CTNNA2: variants seen among roughly 807,000 people sequenced by gnomAD.
The protein encoded by CTNNA2 is catenin alpha 2.
CTNNA2 carries 42 observed loss-of-function variants against 101.0 expected under a neutral mutation model. The ratio of observed to expected loss-of-function variants is 0.42; its 90% CI spans 0.32 to 0.54. The LOEUF (loss-of-function observed/expected upper bound fraction) is 0.54, where lower values mean the gene tolerates loss of function less well. Among genes scored for constraint, CTNNA2 ranks in the 20% least tolerant of loss-of-function variants. The probability of loss-of-function intolerance (pLI) is 0.14; values close to 1 mark genes in which losing one functional copy is unlikely to be tolerated. For synonymous variants in CTNNA2, 450 were observed against 456.4 expected, an observed-to-expected ratio of 0.99 and a Z score of 0.18; for missense variants, 871 against 1,223.1, an observed-to-expected ratio of 0.71 and a Z score of 4.29.
At chr2:80,039,441 T>C (rs544879883) in intron 7 of CTNNA2, among the ~76,000 whole-genome samples, 11 of 152,202 alleles carry the variant, frequency 7.2e-5, no homozygotes, top group Non-Finnish European at 1.2e-4. Flanking sequence ...ATGTGGTTTC[T>C]TGGGAATATG....
intron 7 of CTNNA2, among the ~76,000 whole-genome samples, chr2:80,197,865 C>G (rs147689235): frequency 6.6e-6 from 1 of 152,120 alleles, no homozygotes; most frequent in African/African-American, 2.4e-5. Context: ...CCCAAGCATT[C>G]CCTACTTGAG....
intron 17 of CTNNA2, among the ~76,000 whole-genome samples, chr2:80,617,812 C>A (rs1385028384): frequency 1.3e-5 from 2 of 151,722 alleles, no homozygotes; most frequent in African/African-American, 4.8e-5. Context: ...ATTATATTGG[C>A]TTAAAACAGA....
chr2:79,617,784 TC>T (rs1678721627), intron 1 of CTNNA2, among the ~76,000 whole-genome samples: 1 of 152,166 alleles, frequency 6.6e-6, no homozygotes, highest in Admixed American at 6.6e-5. Context: ...GATTTAAGAT[TC>T]CCTGAGGCCA....
chr2:80,396,905 T>C (rs1678069383), intron 8 of CTNNA2, among the ~76,000 whole-genome samples: 1 of 152,228 alleles, frequency 6.6e-6, no homozygotes, highest in Non-Finnish European at 1.5e-5. Flanking sequence ...AAGGTCTCAA[T>C]TCTATTATTA....
At chr2:79,361,262 T>C (rs2104447052) in intron 3 of CTNNA2, among the ~76,000 whole-genome samples, 1 of 152,310 alleles carries the variant, frequency 6.6e-6, no homozygotes, top group Non-Finnish European at 1.5e-5. Flanking sequence ...ATGTTAAAGA[T>C]TTAGACAAAC....
chr2:80,539,792 C>A (rs755818763), intron 9 of CTNNA2, among the ~76,000 whole-genome samples: 8 of 152,128 alleles, frequency 5.3e-5, no homozygotes, highest in Non-Finnish European at 8.8e-5. Flanking sequence ...CGAGCTCTAC[C>A]ACCTATAGTC....
intron 9 of CTNNA2, among the ~76,000 whole-genome samples, chr2:80,538,291 C>G (rs971008575): frequency 1.3e-5 from 2 of 151,988 alleles, no homozygotes; most frequent in African/African-American, 2.4e-5. Context: ...AGTCGTGAAG[C>G]CTTTGCCCAT....
chr2:80,220,503 C>T (rs1708515489), intron 7 of CTNNA2, among the ~76,000 whole-genome samples: 1 of 152,236 alleles, frequency 6.6e-6, no homozygotes, highest in Non-Finnish European at 1.5e-5. Context: ...TGGAGGACTG[C>T]TTGAGCTCAG....
intron 7 of CTNNA2, among the ~76,000 whole-genome samples, chr2:80,114,274 A>G (rs1363282875): frequency 6.6e-6 from 1 of 152,212 alleles, no homozygotes; most frequent in African/African-American, 2.4e-5. Context: ...GAATGGGAAA[A>G]CTATTGTGAT....
chr2:79,507,773 G>A (rs982209414), intron 5 of CTNNA2, among the ~76,000 whole-genome samples: 1 of 152,112 alleles, frequency 6.6e-6, no homozygotes, highest in Non-Finnish European at 1.5e-5. Context: ...ATCTAGCCAC[G>A]AGATATATTT....
rs137985203 is a variant in CTNNA2 at position 79,776,022 on chromosome 2, G to A, written c.298+31440G>A. Among the ~76,000 whole-genome samples the A allele has an allele frequency of 2.0e-3, 310 of 152,274 alleles. 3 individuals are homozygous for A. Among genetic ancestry groups the A allele is most frequent in the Non-Finnish European group, 3.6e-3 (245 of 68,034 alleles). Reference sequence around the variant, plus strand: ...TTACTTATGAATTATACATAGGCAAGAGTCATCTGATTATACTCCTCCCTT... The same window carrying A: ...TTACTTATGAATTATACATAGGCAAAAGTCATCTGATTATACTCCTCCCTT... On this transcript the variant is annotated intron_variant, in intron 3 of 18. Transcript: ENST00000402739.
At chr2:79,971,902 G>A (rs565641273) in intron 7 of CTNNA2, among the ~76,000 whole-genome samples, 10 of 152,294 alleles carry the variant, frequency 6.6e-5, no homozygotes, top group African/African-American at 1.9e-4. Context: ...TTACAAGTTG[G>A]TTCTAGTTGC....
intron 7 of CTNNA2, among the ~76,000 whole-genome samples, chr2:80,011,362 T>G (rs992138748): frequency 5.3e-5 from 8 of 151,854 alleles, no homozygotes; most frequent in African/African-American, 1.9e-4. Context: ...AAATAAAGAG[T>G]TGCTCTAGTT....
At chr2:80,245,794 CTTTTTTTT>C (rs34625586) in intron 7 of CTNNA2, among the ~76,000 whole-genome samples, 26 of 58,958 alleles carry the variant, frequency 4.4e-4, no homozygotes, top group South Asian at 8.8e-4. Context: ...TATGATTTAA[CTTTTTTTT>C]TTTTTTTTTT....
chr2:79,418,539 C>G (rs900675840), intron 4 of CTNNA2, among the ~76,000 whole-genome samples: 5 of 152,136 alleles, frequency 3.3e-5, no homozygotes, highest in Middle Eastern at 3.2e-3. Flanking sequence ...CAAAGTCTTT[C>G]CTGACCAAGG....
At chr2:79,803,669 T>C (rs1324357623) in intron 3 of CTNNA2, among the ~76,000 whole-genome samples, 1 of 152,266 alleles carries the variant, frequency 6.6e-6, no homozygotes, top group African/African-American at 2.4e-5. Flanking sequence ...GTTACACTGC[T>C]GCAGAGATTT....
intron 7 of CTNNA2, among the ~76,000 whole-genome samples, chr2:80,076,797 A>G (rs954367274): frequency 3.0e-4 from 45 of 152,124 alleles, no homozygotes; most frequent in African/African-American, 9.2e-4. Context: ...TTGCTAAAAG[A>G]TAAATAGGAG....
chr2:79,732,776 C>T (rs763772422), intron 2 of CTNNA2, among the ~76,000 whole-genome samples: 15 of 152,056 alleles, frequency 9.9e-5, no homozygotes, highest in Non-Finnish European at 2.1e-4. Flanking sequence ...CTAAATGGGT[C>T]TTTCTGATCC....
chr2:79,426,492 A>G (rs999521373), intron 4 of CTNNA2, among the ~76,000 whole-genome samples: 1 of 152,152 alleles, frequency 6.6e-6, no homozygotes, highest in African/African-American at 2.4e-5. Flanking sequence ...TCCAGTTATA[A>G]TAGCCAAAGC....
Sources: allele counts gnomAD v4.1 joint callset (sites outside exome capture counted in the v4.1 genomes callset), GRCh38; gene constraint gnomAD v4.1.1; transcripts MANE v1.5; gene names NCBI Gene and HGNC (gene_info 2026-07-23, HGNC 2026-07-21).